The following RYR3 variants were observed in gnomAD, a reference collection of about 807,000 sequenced individuals.
The protein encoded by RYR3 is ryanodine receptor 3.
A neutral mutation model predicts 584.3 loss-of-function variants in RYR3; 207 were observed. The ratio of observed to expected loss-of-function variants is 0.35; its 90% confidence interval spans 0.32 to 0.40. The LOEUF is 0.40. RYR3 is among the 10% of genes least tolerant of loss of function. RYR3 has a pLI of 1.00. For synonymous variants in RYR3, 2,416 were observed against 2,248.5 expected (o/e 1.07, Z -2.11); for missense variants, 5,616 against 6,089.2 (o/e 0.92, Z 2.59).
chr15:33,403,710 T>G (rs1323740134), intron 1 of RYR3, among the ~76,000 whole-genome samples: 1 of 152,238 alleles, frequency 6.6e-6, no homozygotes, highest in Non-Finnish European at 1.5e-5. Context: ...AGTCATAATT[T>G]TGTCTCCCAT....
chr15:33,366,819 A>G (rs1266638744), intron 1 of RYR3, among the ~76,000 whole-genome samples: 1 of 152,172 alleles, frequency 6.6e-6, no homozygotes, highest in Admixed American at 6.5e-5. Flanking sequence ...ACATAGTCCA[A>G]ATGGAGAACA....
chr15:33,626,650 T>A (rs986767937), intron 20 of RYR3, among the ~76,000 whole-genome samples: 3 of 152,178 alleles, frequency 2.0e-5, no homozygotes, highest in African/African-American at 7.2e-5. Context: ...TTTTCTGGGC[T>A]GGGCCCAGGG....
rs767668293 is a variant in RYR3, at chr15:33,635,618, C to G, written c.3180C>G (p.Asp1060Glu). Residue 1060 changes from aspartate to glutamate, a missense_variant, in exon 26 of 104, where the codon GAC becomes GAG. Transcript: ENST00000634891. ...NIEPSDQELA[D>E]SAVEKVSIDK... ...TCGCCTTTCTTCTCACAATAGCTGA[C>G]TCGGCTGTGGAGAAGGTCAGCATAG... is the stretch of plus-strand genomic sequence containing the variant. The G allele has an allele frequency of 7.4e-6, 12 of 1,613,190 alleles. No homozygotes were observed. Among genetic ancestry groups the G allele is most frequent in the Admixed American group, 1.7e-5 (1 of 59,982 alleles).
In RYR3 at chr15:33,354,458, A is replaced by G. The variant is rs534751951; in HGVS notation, c.51+43362A>G. 2.0e-5 allele frequency among the ~76,000 whole-genome samples: 3 copies of G among 152,340 alleles called. No individual in the cohort carries two copies. The South Asian group carries it at 6.2e-4, about 32-fold the overall frequency. On this transcript the variant is annotated intron_variant, in intron 1 of 103. Coordinates refer to ENST00000634891, the MANE Select transcript of RYR3 (RefSeq NM_001036.6). ...GAAGCCTTGAACCTACCCATGGGGAAATGCTCAAAGTCATTTCAAAATCCT... is the reference window on the plus strand; with the variant it reads ...GAAGCCTTGAACCTACCCATGGGGAGATGCTCAAAGTCATTTCAAAATCCT...
chr15:33,674,521 T>C (rs1388839288), intron 38 of RYR3, among the ~76,000 whole-genome samples: 1 of 152,224 alleles, frequency 6.6e-6, no homozygotes, highest in Admixed American at 6.5e-5. Flanking sequence ...CATGTCGTAC[T>C]TGTTTCCACA....
At chr15:33,681,379 A>T (rs2064598600) in intron 38 of RYR3, among the ~76,000 whole-genome samples, 1 of 152,230 alleles carries the variant, frequency 6.6e-6, no homozygotes, top group Non-Finnish European at 1.5e-5. Flanking sequence ...GTAGGCTAGT[A>T]GGGCTGCATT....
At chr15:33,702,411 G>A (rs941775149) in intron 42 of RYR3, among the ~76,000 whole-genome samples, 4 of 152,186 alleles carry the variant, frequency 2.6e-5, no homozygotes. Context: ...AATTAATATT[G>A]ATGCAGTGGG....
chr15:33,398,812 C>T (rs1299058949), intron 1 of RYR3, among the ~76,000 whole-genome samples: 4 of 152,092 alleles, frequency 2.6e-5, no homozygotes, highest in South Asian at 2.1e-4. Context: ...CTGAGGAGAG[C>T]GAGGCTCTGG....
At chr15:33,689,042 G>A (rs930908486) in intron 38 of RYR3, among the ~76,000 whole-genome samples, 1 of 152,018 alleles carries the variant, frequency 6.6e-6, no homozygotes, top group Non-Finnish European at 1.5e-5. Flanking sequence ...ATACTATGCA[G>A]CCATAAAAAA....
At chr15:33,663,842 T>C (rs2063311010) in intron 36 of RYR3, 105 bp downstream of exon 36, 1 of 971,538 alleles carries the variant, frequency 1.0e-6, no homozygotes, top group Admixed American at 2.7e-5. Context: ...CCTCAAGAGC[T>C]ATGGAAGATG....
Position 33,750,157 on chromosome 15 carries a change from C to T in RYR3, c.8276-6C>T. ...CAAATGTCATCTCTCACCTTACTGACCCCAGGTGGTGGCAGCCACCCTCTT... is the reference window on the plus strand; with the variant it reads ...CAAATGTCATCTCTCACCTTACTGATCCCAGGTGGTGGCAGCCACCCTCTT... On this transcript the variant is annotated splice_region_variant and splice_polypyrimidine_tract_variant and intron_variant, in intron 56 of 103. Coordinates refer to ENST00000634891, the MANE Select transcript of RYR3 (RefSeq NM_001036.6). 1 of 1,609,460 alleles carries T rather than the reference C, an allele frequency of 6.2e-7. No individual in the cohort carries two copies. Among genetic ancestry groups the T allele is most frequent in the Non-Finnish European group, 8.5e-7 (1 of 1,177,946 alleles).
intron 1 of RYR3, among the ~76,000 whole-genome samples, chr15:33,336,716 C>CT (rs1255040565): frequency 1.3e-5 from 2 of 151,500 alleles, no homozygotes; most frequent in Non-Finnish European, 2.9e-5. Context: ...GCAGGGGAAT[C>CT]TAAGAATGCC....
At chr15:33,612,809 T>G (rs1056747162) in intron 18 of RYR3, among the ~76,000 whole-genome samples, 1 of 152,210 alleles carries the variant, frequency 6.6e-6, no homozygotes, top group African/African-American at 2.4e-5. Context: ...ACACACCAGC[T>G]ACTTCTGAAG....
intron 1 of RYR3, among the ~76,000 whole-genome samples, chr15:33,338,036 T>C (rs1008220320): frequency 1.4e-5 from 2 of 146,618 alleles, no homozygotes; most frequent in Non-Finnish European, 3.0e-5. Context: ...GCTCCGCCTC[T>C]TGGGTTCACG....
chr15:33,779,214 TTTTTC>T (rs200533976), intron 64 of RYR3, among the ~76,000 whole-genome samples: 1,986 of 152,234 alleles, frequency 0.013, 21 homozygotes, highest in Middle Eastern at 0.024. Flanking sequence ...AAGATCACAA[TTTTTC>T]TTTTCTTTTC....
chr15:33,470,004 A>AT (rs2048805498), intron 1 of RYR3, among the ~76,000 whole-genome samples: 1 of 152,172 alleles, frequency 6.6e-6, no homozygotes, highest in South Asian at 2.1e-4. Context: ...GGCAATAGGA[A>AT]TGAAGGAGAG....
At chr15:33,413,703 G>A (rs748471557) in intron 1 of RYR3, among the ~76,000 whole-genome samples, 6 of 152,202 alleles carry the variant, frequency 3.9e-5, no homozygotes, top group Admixed American at 6.5e-5. Context: ...CTGTGCAGCA[G>A]GCCTGTGGTC....
At chr15:33,514,473 C>T (rs569167405) in intron 3 of RYR3, among the ~76,000 whole-genome samples, 4 of 152,158 alleles carry the variant, frequency 2.6e-5, no homozygotes, top group Admixed American at 6.5e-5. Context: ...TGCTTTTAAA[C>T]GCCCTTCTCT....
chr15:33,783,134 G>A (rs923704656), intron 65 of RYR3, among the ~76,000 whole-genome samples: 2 of 152,144 alleles, frequency 1.3e-5, no homozygotes, highest in African/African-American at 2.4e-5. Flanking sequence ...ATTCTAACGC[G>A]CATCAGAATC....
Sources: gnomAD v4.1 joint callset for allele counts (sites outside exome capture counted in the v4.1 genomes callset) on GRCh38, gnomAD v4.1.1 for gene constraint, MANE v1.5 for transcripts, NCBI Gene and HGNC (gene_info 2026-07-23, HGNC 2026-07-21) for gene names.